Variants in EPS15 observed in about 807,000 individuals in gnomAD.
EPS15 encodes the protein epidermal growth factor receptor substrate 15.
In EPS15, 72 loss-of-function variants were observed where a neutral mutation model predicts 113.8. That is an observed-to-expected ratio of 0.63 (90% CI 0.52 to 0.77). The LOEUF (loss-of-function observed/expected upper bound fraction) is 0.77, where lower values mean the gene tolerates loss of function less well. EPS15 is among the 30% of genes least tolerant of loss of function. The probability of loss-of-function intolerance (pLI) is 0.00; values close to 1 mark genes in which losing one functional copy is unlikely to be tolerated. For missense variants in EPS15, 1,048 were observed against 1,045.8 expected, an observed-to-expected ratio of 1.00 and a Z score of -0.03; for synonymous variants, 344 against 363.4, an observed-to-expected ratio of 0.95 and a Z score of 0.61.
intron 20 of EPS15, among the ~76,000 whole-genome samples, chr1:51,394,789 G>T (rs1302203881): frequency 6.6e-6 from 1 of 152,126 alleles, no homozygotes; most frequent in Non-Finnish European, 1.5e-5. Context: ...TCACAATCCT[G>T]ACTTTGGTGA....
intron 7 of EPS15, 109 bp from the exon 8 acceptor site, chr1:51,461,259 GGCCTCCCA>G (rs1441996206): frequency 5.3e-6 from 4 of 760,354 alleles, no homozygotes; most frequent in African/African-American, 3.5e-5. Context: ...ATGCCCATAT[GGCCTCCCA>G]GCACTTTGAG....
chr1:51,367,757 T>A (rs1007232955), intron 21 of EPS15, among the ~76,000 whole-genome samples: 10 of 151,916 alleles, frequency 6.6e-5, no homozygotes, highest in Non-Finnish European at 1.3e-4. Context: ...TACAGGAAGA[T>A]GGAAAGAAAC....
intron 8 of EPS15, among the ~76,000 whole-genome samples, chr1:51,452,715 C>G (rs1041696915): frequency 1.3e-5 from 2 of 152,176 alleles, no homozygotes; most frequent in African/African-American, 4.8e-5. Flanking sequence ...GGCTACAAAG[C>G]TCTTGTTTTT....
chr1:51,511,186 A>G (rs868145333), intron 1 of EPS15, among the ~76,000 whole-genome samples: 1 of 151,578 alleles, frequency 6.6e-6, no homozygotes, highest in African/African-American at 2.4e-5. Context: ...TAATAAATAA[A>G]TAAGTATATA....
At chr1:51,473,688 A>C (rs1655403776) in intron 2 of EPS15, among the ~76,000 whole-genome samples, 1 of 152,202 alleles carries the variant, frequency 6.6e-6, no homozygotes, top group South Asian at 2.1e-4. Flanking sequence ...GTACATTTTA[A>C]AAAGTCATGG....
At chr1:51,411,642 T>C (rs1330793863) in intron 13 of EPS15, among the ~76,000 whole-genome samples, 2 of 152,228 alleles carry the variant, frequency 1.3e-5, no homozygotes, top group African/African-American at 4.8e-5. Context: ...TTGTATTATA[T>C]AGAGTTTTGC....
chr1:51,467,203 A>G (rs905039768), intron 5 of EPS15, among the ~76,000 whole-genome samples: 1 of 152,260 alleles, frequency 6.6e-6, no homozygotes. Flanking sequence ...GTACAGAAAC[A>G]GGCACTCAAA....
intron 1 of EPS15, among the ~76,000 whole-genome samples, chr1:51,486,969 C>T (rs1644135787): frequency 1.3e-5 from 2 of 152,116 alleles, no homozygotes; most frequent in African/African-American, 4.8e-5. Flanking sequence ...TGCGCCCAGC[C>T]TATAATTTTC....
At chr1:51,378,132 G>A (rs1646847394) in intron 21 of EPS15, among the ~76,000 whole-genome samples, 1 of 151,840 alleles carries the variant, frequency 6.6e-6, no homozygotes, top group South Asian at 2.1e-4. Context: ...CCTGACCTCA[G>A]GTGATTCACC....
At chr1:51,403,570 TTTTGACATG>T in intron 16 of EPS15, 38 bp from the exon 17 acceptor site, 4 of 1,195,308 alleles carry the variant, frequency 3.3e-6, no homozygotes, top group Non-Finnish European at 4.8e-6. Flanking sequence ...ACAATATACT[TTTTGACATG>T]GCAGAGAAAA....
Position 51,354,806 on chromosome 1 carries a change from G to C in EPS15, c.*1894C>G. On this transcript the variant is annotated 3_prime_UTR_variant, in exon 25 of 25. Coordinates refer to ENST00000371733, the MANE Select transcript of EPS15 (RefSeq NM_001981.3). ...ATCCAGTTAAACATACATAAGATTA[G>C]GATACATTTATTACATTGAAAGTTG... 1 of 196,576 alleles carries C rather than the reference G, an allele frequency of 5.1e-6. No homozygotes were observed. Among genetic ancestry groups the C allele is most frequent in the Non-Finnish European group, 1.1e-5 (1 of 94,450 alleles). The allele number at this position is 196,576 out of a possible 1,614,324, so 12.2% of individuals were successfully genotyped here. A position where few individuals can be genotyped will look rare whatever the true frequency, so the allele number is the denominator to read the frequency against.
At position 51,355,397 on chromosome 1, in the gene EPS15, C is replaced by T. The variant is rs1646197325; in HGVS notation, c.*1303G>A. 11 of 203,954 alleles carry T rather than the reference C, an allele frequency of 5.4e-5. No individual in the cohort carries two copies. Among genetic ancestry groups the T allele is most frequent in the Admixed American group, 4.8e-4 (8 of 16,758 alleles). The allele number at this position is 203,954 out of a possible 1,614,324, so 12.6% of individuals were successfully genotyped here. A position where few individuals can be genotyped will look rare whatever the true frequency, so the allele number is the denominator to read the frequency against. On this transcript the variant is annotated 3_prime_UTR_variant, in exon 25 of 25. Transcript: ENST00000371733. ...TTAATACATCATCTAAGTCAGTAAC[C>T]GTGTTAAACAAAATTAAAATGACAA...
chr1:51,453,135 T>C (rs906449085), intron 8 of EPS15, among the ~76,000 whole-genome samples: 4 of 152,100 alleles, frequency 2.6e-5, no homozygotes, highest in African/African-American at 9.7e-5. Context: ...ATTCACAATA[T>C]ATGTACTGTG....
intron 2 of EPS15, 69 bp from the exon 3 acceptor site, chr1:51,473,017 T>C (rs1432289093): frequency 4.2e-6 from 5 of 1,182,628 alleles, no homozygotes; most frequent in Middle Eastern, 1.9e-4. Flanking sequence ...TTTACCTGCC[T>C]TCCATCCCTG....
intron 13 of EPS15, among the ~76,000 whole-genome samples, chr1:51,410,171 G>A (rs1649567360): frequency 6.6e-6 from 1 of 151,858 alleles, no homozygotes; most frequent in African/African-American, 2.4e-5. Context: ...GGAGGTTGCA[G>A]CGAGCCGAGA....
intron 12 of EPS15, among the ~76,000 whole-genome samples, chr1:51,433,712 A>G (rs1360578171): frequency 6.6e-6 from 1 of 152,262 alleles, no homozygotes; most frequent in East Asian, 1.9e-4. Flanking sequence ...AAGAAGGCAC[A>G]GTACAATGCC....
chr1:51,407,800 G>A (rs1267125198), intron 15 of EPS15, among the ~76,000 whole-genome samples: 1 of 152,094 alleles, frequency 6.6e-6, no homozygotes, highest in Non-Finnish European at 1.5e-5. Context: ...GGCCCTAAGG[G>A]GTAGGGTATT....
intron 13 of EPS15, among the ~76,000 whole-genome samples, chr1:51,414,384 C>A (rs1027943984): frequency 2.6e-5 from 4 of 151,662 alleles, no homozygotes; most frequent in Admixed American, 6.6e-5. Context: ...CCACTGCACT[C>A]CAGCCTGGGC....
At chr1:51,372,528 G>A in intron 21 of EPS15, 1 of 530,752 alleles carries the variant, frequency 1.9e-6, no homozygotes, top group Non-Finnish European at 3.8e-6. Context: ...TAATGCCAAA[G>A]AATAGTTGGG....
Sources: allele counts gnomAD v4.1 joint callset (sites outside exome capture counted in the v4.1 genomes callset), GRCh38; gene constraint gnomAD v4.1.1; transcripts MANE v1.5; gene names NCBI Gene and HGNC (gene_info 2026-07-23, HGNC 2026-07-21).